Variants in DUSP5 observed in about 807,000 individuals in gnomAD.
The protein encoded by DUSP5 is dual specificity protein phosphatase 5.
DUSP5 carries 22 observed loss-of-function variants against 33.6 expected under a neutral mutation model. The observed-to-expected ratio is 0.66, with a 90% confidence interval of 0.47 to 0.94. DUSP5 has a LOEUF of 0.94. DUSP5 is among the 40% of genes least tolerant of loss of function. The pLI is 0.00. For synonymous variants in DUSP5, 270 were observed against 231.1 expected, an observed-to-expected ratio of 1.17 and a Z score of -1.53; for missense variants, 551 against 522.1, an observed-to-expected ratio of 1.06 and a Z score of -0.54.
intron 2 of DUSP5, among the ~76,000 whole-genome samples, chr10:110,505,199 C>CT (rs1860103195): frequency 6.6e-6 from 1 of 152,210 alleles, no homozygotes; most frequent in Admixed American, 6.5e-5. Flanking sequence ...CAGACAAGGC[C>CT]TTGCATCTCA....
intron 3 of DUSP5, among the ~76,000 whole-genome samples, chr10:110,508,564 GA>G (rs747580403): frequency 2.6e-5 from 4 of 152,154 alleles, no homozygotes; most frequent in African/African-American, 4.8e-5. Context: ...AATATATGCT[GA>G]CCCCTTCCAA....
chr10:110,503,321 C>T lies in DUSP5; in HGVS notation c.528+452C>T, dbSNP rs41291906. Reference sequence around the variant, plus strand: ...CATCCCGGTACCTGTCAAGGTGTGTCTTATTGGTATGTTTAACTGAAACTG... The same window carrying T: ...CATCCCGGTACCTGTCAAGGTGTGTTTTATTGGTATGTTTAACTGAAACTG... On this transcript the variant is annotated intron_variant, in intron 2 of 3. Coordinates refer to ENST00000369583, the MANE Select transcript of DUSP5 (RefSeq NM_004419.4). The T allele has an allele frequency of 7.3e-3, 1,146 of 156,254 alleles. 9 individuals are homozygous for T. Among genetic ancestry groups the T allele is most frequent in the Non-Finnish European group, 9.5e-3 (671 of 70,688 alleles). 9.7% of individuals were successfully genotyped at this position (156,254 alleles called of 1,614,324 possible).
intron 3 of DUSP5, 60 bp downstream of exon 3, chr10:110,507,214 A>T: frequency 1.3e-6 from 2 of 1,525,158 alleles, no homozygotes; most frequent in Non-Finnish European, 1.8e-6. Context: ...TGTGTTCTTG[A>T]CTTTTGATGC....
chr10:110,503,173 C>T (rs143352016), intron 2 of DUSP5, among the ~76,000 whole-genome samples: 137 of 152,294 alleles, frequency 9.0e-4, no homozygotes, highest in African/African-American at 3.1e-3. Flanking sequence ...CATCTGGCTT[C>T]GGAGGTTCAG....
intron 1 of DUSP5, among the ~76,000 whole-genome samples, chr10:110,501,909 T>C (rs1053464193): frequency 6.7e-6 from 1 of 148,838 alleles, no homozygotes; most frequent in Non-Finnish European, 1.5e-5. Context: ...TGGAGAGGTG[T>C]AAATGTAATA....
chr10:110,507,829 C>G (rs764737497), intron 3 of DUSP5, among the ~76,000 whole-genome samples: 2 of 152,222 alleles, frequency 1.3e-5, no homozygotes, highest in African/African-American at 2.4e-5. Context: ...TTTCCAGGTC[C>G]TCTGTGTTGC....
intron 2 of DUSP5, 136 bp from the exon 3 acceptor site, chr10:110,506,799 T>TGGCTCTG: frequency 1.1e-6 from 1 of 916,176 alleles, no homozygotes; most frequent in Non-Finnish European, 1.7e-6. Context: ...TGAACTGCCC[T>TGGCTCTG]GGCTCTGAAC....
In DUSP5 at chr10:110,502,196, C is replaced by G. The variant is rs138253649; in HGVS notation, c.380-525C>G. 6.0e-4 allele frequency among the ~76,000 whole-genome samples: 91 copies of G among 152,216 alleles called. No homozygotes were observed. The East Asian group carries it at 0.016, about 27-fold the overall frequency. On this transcript the variant is annotated intron_variant, in intron 1 of 3. Coordinates refer to ENST00000369583, the MANE Select transcript of DUSP5 (RefSeq NM_004419.4). ...TTCTTAGCACCTTGGGAGTGAGAAG[C>G]AGTGAGGCTGTTTTACTGCCCTGAG...
chr10:110,501,451 T>TGAC (rs1220654664), intron 1 of DUSP5, among the ~76,000 whole-genome samples: 1 of 152,108 alleles, frequency 6.6e-6, no homozygotes, highest in African/African-American at 2.4e-5. Context: ...AATGGCAAGA[T>TGAC]GACTCATTCT....
Position 110,510,479 on chromosome 10 carries a change from T to C in DUSP5, c.*53T>C, listed in dbSNP as rs997792806. On this transcript the variant is annotated 3_prime_UTR_variant, in exon 4 of 4. Coordinates refer to ENST00000369583, the MANE Select transcript of DUSP5 (RefSeq NM_004419.4). ...CCAAGAGCAACTGTGATTTTTGTTT[T>C]TAAGACTCATGGACATTTCATACCT... The C allele has an allele frequency of 6.8e-7, 1 of 1,481,116 alleles. No individual in the cohort carries two copies. The highest frequency in any genetic ancestry group is 1.4e-5 in the African/African-American group (1 of 71,146). 91.7% of individuals were successfully genotyped at this position (1,481,116 alleles called of 1,614,324 possible).
chr10:110,498,189 G>A lies in DUSP5; in HGVS notation c.68G>A (p.Cys23Tyr), dbSNP rs1171963770. 5 of 1,499,936 alleles carry A rather than the reference G, an allele frequency of 3.3e-6. No individual in the cohort carries two copies. Among genetic ancestry groups the A allele is most frequent in the East Asian group, 2.9e-5 (1 of 34,458 alleles). The allele number at this position is 1,499,936 out of a possible 1,614,324, so 92.9% of individuals were successfully genotyped here. ...CTCCGCAAGGAGGCGGCGGCGCGCT[G>A]CGTGGTGCTCGACTGCCGGCCCTAT... is the stretch of plus-strand genomic sequence containing the variant. ...KMLRKEAAAR[C>Y]VVLDCRPYLA... Residue 23 changes from cysteine (C) to tyrosine (Y), a missense_variant, in exon 1 of 4, where the codon TGC becomes TAC. By Grantham distance (194) the Cys-to-Tyr change is radical. Transcript: ENST00000369583.
chr10:110,498,582 C>T, intron 1 of DUSP5, 82 bp downstream of exon 1: 3 of 1,335,048 alleles, frequency 2.2e-6, no homozygotes, highest in Non-Finnish European at 2.9e-6. Context: ...CTCCTACACC[C>T]TGGGACCGGG....
chr10:110,506,883 A>G (rs942739710), intron 2 of DUSP5, 52 bp from the exon 3 acceptor site: 3 of 1,582,232 alleles, frequency 1.9e-6, no homozygotes, highest in African/African-American at 1.3e-5. Context: ...TCCTCTCTCA[A>G]ATGAACAAGC....
intron 2 of DUSP5, 79 bp downstream of exon 2, chr10:110,502,948 G>A: frequency 2.6e-6 from 4 of 1,563,620 alleles, no homozygotes; most frequent in Non-Finnish European, 3.5e-6. Context: ...GCACCTGACT[G>A]TTCTCTCCCC....
intron 1 of DUSP5, among the ~76,000 whole-genome samples, chr10:110,499,314 G>A (rs1285147864): frequency 3.3e-5 from 5 of 152,214 alleles, no homozygotes; most frequent in Middle Eastern, 3.2e-3. Context: ...CTGGTGGTGG[G>A]TGGGTGATTG....
chr10:110,501,204 CTT>C (rs1860042939), intron 1 of DUSP5, among the ~76,000 whole-genome samples: 1 of 152,200 alleles, frequency 6.6e-6, no homozygotes, highest in Admixed American at 6.5e-5. Flanking sequence ...CTCATTCTCT[CTT>C]GACTGCTGGA....
intron 3 of DUSP5, 112 bp downstream of exon 3, chr10:110,507,266 T>C: frequency 8.9e-7 from 1 of 1,122,680 alleles, no homozygotes; most frequent in South Asian, 1.5e-5. Context: ...GTGTCTTGTA[T>C]ATGCCGCTGC....
intron 1 of DUSP5, among the ~76,000 whole-genome samples, chr10:110,499,197 C>T (rs1860006740): frequency 6.6e-6 from 1 of 151,912 alleles, no homozygotes; most frequent in Non-Finnish European, 1.5e-5. Context: ...AATAGAGGTG[C>T]GCGGGGGCAG....
chr10:110,509,998 C>T (rs1860166293), intron 3 of DUSP5, 22 bp from the exon 4 acceptor site: 1 of 1,560,008 alleles, frequency 6.4e-7, no homozygotes, highest in South Asian at 1.2e-5. Context: ...AACTCACTCC[C>T]ACCATCTTTT....
Sources: allele counts gnomAD v4.1 joint callset (sites outside exome capture counted in the v4.1 genomes callset), GRCh38; gene constraint gnomAD v4.1.1; transcripts MANE v1.5; gene names NCBI Gene and HGNC (gene_info 2026-07-23, HGNC 2026-07-21).